The following DMXL1 variants were observed in gnomAD, a reference collection of about 807,000 sequenced individuals.
DMXL1 encodes Dmx like 1, also known as dmX-like protein 1.
Under a neutral mutation model 319.2 loss-of-function variants are expected in DMXL1, and 99 were observed. The ratio of observed to expected loss-of-function variants is 0.31; its 90% confidence interval spans 0.26 to 0.37. The LOEUF is 0.37. DMXL1 is among the 10% of genes least tolerant of loss of function. The pLI is 1.00. For synonymous variants in DMXL1, 1,385 were observed against 1,235.2 expected (o/e 1.12, Z -2.54); for missense variants, 3,745 against 3,595.6 (o/e 1.04, Z -1.06).
At chr5:119,076,555 C>T (rs1227802973) in intron 1 of DMXL1, among the ~76,000 whole-genome samples, 2 of 152,050 alleles carry the variant, frequency 1.3e-5, no homozygotes, top group African/African-American at 2.4e-5. Flanking sequence ...ATATGTTGGC[C>T]TGTTTTAAAA....
At chr5:119,170,103 G>C in intron 23 of DMXL1, 87 bp from the exon 24 acceptor site, 3 of 1,365,372 alleles carry the variant, frequency 2.2e-6, no homozygotes, top group South Asian at 3.1e-5. Context: ...TTTAGATAAA[G>C]GTGTCATAGT....
chr5:119,226,842 A>G (rs1785666699), intron 38 of DMXL1, among the ~76,000 whole-genome samples: 2 of 152,212 alleles, frequency 1.3e-5, no homozygotes, highest in South Asian at 4.1e-4. Context: ...TTATCAGTTT[A>G]TTATAAAAGA....
chr5:119,203,604 T>G (rs772547268), intron 33 of DMXL1, among the ~76,000 whole-genome samples, 168 bp downstream of exon 33: 3 of 152,198 alleles, frequency 2.0e-5, no homozygotes, highest in Non-Finnish European at 4.4e-5. Flanking sequence ...AGTATTTTCA[T>G]AAATCAATTT....
chr5:119,194,291 A>G (rs1291511205), intron 30 of DMXL1, among the ~76,000 whole-genome samples: 1 of 152,206 alleles, frequency 6.6e-6, no homozygotes, highest in Admixed American at 6.5e-5. Context: ...CCAAGATTAT[A>G]CCTTGCATTT....
Position 119,129,324 on chromosome 5 carries a change from A to G in DMXL1, c.1216A>G (p.Met406Val), listed in dbSNP as rs766716770. Residue 406 changes from methionine (M) to valine (V), a missense_variant, in exon 10 of 44, where the codon ATG becomes GTG. Physicochemically the swap from Met to Val is conservative, Grantham distance 21 (BLOSUM62 1). Around this residue, in one of 4 missense-constraint regions of DMXL1, gnomAD observed 2,096 missense variants for 1,985.4 expected, o/e 1.06. Transcript: ENST00000539542. ...TAAAGAACTGCATTTTACTTTGTCC[A>G]TGGAAGTTTTTTTACAGCAACTTAG... is the stretch of plus-strand genomic sequence containing the variant. ...NNKELHFTLS[M>V]EVFLQQLRKS... The G allele has an allele frequency of 3.1e-6, 5 of 1,613,832 alleles. No individual in the cohort carries two copies. The highest frequency in any genetic ancestry group is 1.7e-5 in the Admixed American group (1 of 60,010).
In DMXL1 at chr5:119,080,441, C is replaced by T. The variant is rs1176810487; in HGVS notation, c.87+8785C>T. Among the ~76,000 whole-genome samples the T allele has an allele frequency of 3.3e-5, 5 of 152,086 alleles. No individual in the cohort carries two copies. In the East Asian group the frequency reaches 9.6e-4, roughly 29 times the overall value. On this transcript the variant is annotated intron_variant, in intron 1 of 43. Transcript: ENST00000539542. Reference sequence around the variant, plus strand: ...CCACACCCCAATTTGTTTTGTTCGTCCTCCTGTGTTCATTATCTCTGTGAA... The same window carrying T: ...CCACACCCCAATTTGTTTTGTTCGTTCTCCTGTGTTCATTATCTCTGTGAA...
rs570899873 is a variant in DMXL1, at chr5:119,086,130, C to T, written c.88-11849C>T. Among the ~76,000 whole-genome samples the T allele has an allele frequency of 2.6e-4, 40 of 152,296 alleles. 1 individual carries two copies. The South Asian group carries it at 8.1e-3, about 31-fold the overall frequency. On this transcript the variant is annotated intron_variant, in intron 1 of 43. Transcript: ENST00000539542. Reference sequence around the variant, plus strand: ...CAATCATGGCTGAAGGTGAAAGGCACATCTCACATGGCAATGGCAAGAGAG... The same window carrying T: ...CAATCATGGCTGAAGGTGAAAGGCATATCTCACATGGCAATGGCAAGAGAG...
At position 119,143,720 on chromosome 5, in the gene DMXL1, G is replaced by C. The variant is rs1767913717; in HGVS notation, c.2377-121G>C. 7 of 551,306 alleles carry C rather than the reference G, an allele frequency of 1.3e-5. No individual in the cohort carries two copies. In the East Asian group the frequency reaches 2.3e-4, roughly 18 times the overall value. 34.2% of individuals were successfully genotyped at this position (551,306 alleles called of 1,614,324 possible). A position where few individuals can be genotyped will look rare whatever the true frequency, so the allele number is the denominator to read the frequency against. ...ACCTAGAATTTTTATAGTTGAAAGGGACTATATTTAGGCCCACTTGAATTT... is the reference window on the plus strand; with the variant it reads ...ACCTAGAATTTTTATAGTTGAAAGGCACTATATTTAGGCCCACTTGAATTT... On this transcript the variant is annotated intron_variant, in intron 13 of 43. Coordinates refer to ENST00000539542, the MANE Select transcript of DMXL1 (RefSeq NM_001290321.3).
At chr5:119,118,505 G>A (rs1580802651) in intron 7 of DMXL1, among the ~76,000 whole-genome samples, 2 of 152,176 alleles carry the variant, frequency 1.3e-5, no homozygotes, top group Non-Finnish European at 2.9e-5. Context: ...AGGATGAGGC[G>A]GGAGGATTAC....
chr5:119,073,392 A>G (rs376938063), intron 1 of DMXL1, among the ~76,000 whole-genome samples: 1 of 152,128 alleles, frequency 6.6e-6, no homozygotes, highest in South Asian at 2.1e-4. Flanking sequence ...GGCATTCACA[A>G]TCTATGTAAG....
chr5:119,150,459 C>A (rs770240220), intron 18 of DMXL1, 38 bp downstream of exon 18: 3 of 1,538,590 alleles, frequency 1.9e-6, no homozygotes, highest in Non-Finnish European at 2.6e-6. Flanking sequence ...TTTTTACTTA[C>A]TTTCACAGAA....
chr5:119,116,559 T>C (rs1760890203), intron 7 of DMXL1, among the ~76,000 whole-genome samples: 1 of 152,252 alleles, frequency 6.6e-6, no homozygotes, highest in Non-Finnish European at 1.5e-5. Context: ...TGGGATAGTT[T>C]ACTCCATATC....
At chr5:119,188,764 A>G (rs539924959) in intron 28 of DMXL1, among the ~76,000 whole-genome samples, 1 of 152,364 alleles carries the variant, frequency 6.6e-6, no homozygotes, top group Admixed American at 6.5e-5. Flanking sequence ...GAAATAACCA[A>G]ATTACTTTGT....
chr5:119,138,092 G>T (rs562136633), intron 13 of DMXL1, among the ~76,000 whole-genome samples: 1 of 152,326 alleles, frequency 6.6e-6, no homozygotes, highest in South Asian at 2.1e-4. Flanking sequence ...AGTAGATCCA[G>T]AGAGACCAAT....
At chr5:119,132,724 T>C (rs1363042575) in intron 10 of DMXL1, 2 of 517,962 alleles carry the variant, frequency 3.9e-6, no homozygotes, top group African/African-American at 2.0e-5. Context: ...TGACAATTAG[T>C]CCTATATTGG....
intron 41 of DMXL1, among the ~76,000 whole-genome samples, chr5:119,239,706 A>G (rs895508552): frequency 6.6e-6 from 1 of 152,178 alleles, no homozygotes; most frequent in African/African-American, 2.4e-5. Context: ...TTGTAATCCC[A>G]GCACTTTGGG....
chr5:119,237,376 T>G lies in DMXL1; in HGVS notation c.8521T>G (p.Cys2841Gly). Residue 2841 changes from cysteine to glycine, a missense_variant, in exon 40 of 44, where the codon TGT (cysteine) becomes GGT (glycine). Cys to Gly is a radical substitution (Grantham distance 159). This residue lies in a region of DMXL1 where 262 missense variants were observed against 320.5 expected (regional missense o/e 0.82). Transcript: ENST00000539542. ...AAGTTTGTATCAAACAAACTGGAAA[T>G]GTTGTCCAGTTACTGGAAGCATGCC... Reference protein sequence around the residue: ...YLSLYQTNWKCCPVTGSMPKP... With the variant: ...YLSLYQTNWKGCPVTGSMPKP... The G allele has an allele frequency of 3.1e-6, 5 of 1,605,042 alleles. No individual in the cohort carries two copies. The highest frequency in any genetic ancestry group is 4.3e-6 in the Non-Finnish European group (5 of 1,174,092).
At chr5:119,244,310 A>G (rs1358175469) in intron 42 of DMXL1, 49 bp from the exon 43 acceptor site, 2 of 1,450,296 alleles carry the variant, frequency 1.4e-6, no homozygotes, top group Non-Finnish European at 1.9e-6. Flanking sequence ...CCAGAAGTCT[A>G]TTTCTTTTAT....
At chr5:119,165,602 A>G (rs1440720163) in intron 21 of DMXL1, among the ~76,000 whole-genome samples, 4 of 152,252 alleles carry the variant, frequency 2.6e-5, no homozygotes, top group Non-Finnish European at 4.4e-5. Flanking sequence ...GACATACCCA[A>G]GACTGGGCAA....
Sources: allele counts gnomAD v4.1 joint callset (sites outside exome capture counted in the v4.1 genomes callset), GRCh38; gene constraint gnomAD v4.1.1; regional missense constraint gnomAD v4.1.1; transcripts MANE v1.5; gene names NCBI Gene and HGNC (gene_info 2026-07-23, HGNC 2026-07-21).